NCOR1: variants seen among roughly 807,000 people sequenced by gnomAD.
NCOR1 encodes protein phosphatase 1, regulatory subunit 109.
Under a neutral mutation model 288.1 loss-of-function variants are expected in NCOR1, and 63 were observed. The ratio of observed to expected loss-of-function variants is 0.22; its 90% CI spans 0.18 to 0.27. The LOEUF is 0.27. NCOR1 is among the 10% of genes least tolerant of loss of function. The probability of loss-of-function intolerance (pLI) is 1.00; values close to 1 mark genes in which losing one functional copy is unlikely to be tolerated. For synonymous variants in NCOR1, 1,007 were observed against 1,065.9 expected, an observed-to-expected ratio of 0.94 and a Z score of 1.08; for missense variants, 2,397 against 3,019.2, an observed-to-expected ratio of 0.79 and a Z score of 4.83.
intron 3 of NCOR1, among the ~76,000 whole-genome samples, chr17:16,173,790 A>G (rs1465608809): frequency 6.6e-6 from 1 of 152,034 alleles, no homozygotes; most frequent in African/African-American, 2.4e-5. Flanking sequence ...AATTAGTCAG[A>G]CATGGTGGTG....
chr17:16,210,122 G>A (rs1353977872), intron 1 of NCOR1, among the ~76,000 whole-genome samples: 2 of 152,048 alleles, frequency 1.3e-5, no homozygotes, highest in African/African-American at 2.4e-5. Context: ...GGTGGCTCAC[G>A]CCTGTAATCC....
intron 40 of NCOR1, among the ~76,000 whole-genome samples, chr17:16,053,446 C>T (rs1197409421): frequency 6.6e-6 from 1 of 151,900 alleles, no homozygotes; most frequent in Non-Finnish European, 1.5e-5. Context: ...TCACAACTGC[C>T]ACAAAAATAA....
chr17:16,080,793 C>A, intron 23 of NCOR1, 66 bp from the exon 24 acceptor site: 1 of 1,444,686 alleles, frequency 6.9e-7, no homozygotes. Flanking sequence ...AGGTCAATTT[C>A]ACAAAGTCAG....
intron 42 of NCOR1, among the ~76,000 whole-genome samples, chr17:16,045,329 T>A (rs2058481021): frequency 6.6e-6 from 1 of 152,160 alleles, no homozygotes; most frequent in South Asian, 2.1e-4. Context: ...ATATGTAACC[T>A]GTGCCAACTC....
rs952950150 is a variant in NCOR1 at position 16,030,051 on chromosome 17, A to G, written c.*2245T>C. 2 of 175,312 alleles carry G rather than the reference A, an allele frequency of 1.1e-5. No homozygotes were observed. Among genetic ancestry groups the G allele is most frequent in the Non-Finnish European group, 2.5e-5 (2 of 81,418 alleles). The allele number at this position is 175,312 out of a possible 1,614,324, so 10.9% of individuals were successfully genotyped here. On this transcript the variant is annotated 3_prime_UTR_variant, in exon 46 of 46. Transcript: ENST00000268712. ...TGACTCCTCCAAAACTTAACTACTC[A>G]TGGCCTACTGCTGACCAGAAGTCTT... is the stretch of plus-strand genomic sequence containing the variant.
chr17:16,095,468 C>T (rs1212217573), intron 21 of NCOR1, among the ~76,000 whole-genome samples: 29 of 147,272 alleles, frequency 2.0e-4, no homozygotes, highest in African/African-American at 6.7e-4. Context: ...CCCGGCCAGC[C>T]GCCCCGTCCG....
intron 18 of NCOR1, among the ~76,000 whole-genome samples, chr17:16,115,680 C>A (rs1039637613): frequency 1.3e-5 from 2 of 152,202 alleles, no homozygotes; most frequent in Non-Finnish European, 2.9e-5. Context: ...CAATTCCCAA[C>A]AAGTTCCTCA....
chr17:16,060,720 A>T (rs2060462354), intron 37 of NCOR1, among the ~76,000 whole-genome samples: 1 of 152,212 alleles, frequency 6.6e-6, no homozygotes, highest in South Asian at 2.1e-4. Flanking sequence ...GAGATAACAG[A>T]AAGATGATTA....
rs555617591 is a variant in NCOR1 at position 16,146,969 on chromosome 17, A to G, written c.910-421T>C. 2.0e-5 allele frequency among the ~76,000 whole-genome samples: 3 copies of G among 152,306 alleles called. No homozygotes were observed. In the East Asian group the frequency reaches 5.8e-4, roughly 29 times the overall value. On this transcript the variant is annotated intron_variant, in intron 9 of 45. Transcript: ENST00000268712. ...TGAACATTTTGTTGTTATCCTTCCA[A>G]TCTGCGAAACAAAACACACACGCTT...
chr17:16,191,265 C>T (rs1017935138), intron 2 of NCOR1, among the ~76,000 whole-genome samples: 2 of 152,118 alleles, frequency 1.3e-5, no homozygotes, highest in Non-Finnish European at 2.9e-5. Flanking sequence ...ACTGAATACA[C>T]GGGACATTCA....
At chr17:16,170,181 T>TA (rs1411953608) in intron 4 of NCOR1, among the ~76,000 whole-genome samples, 3 of 151,216 alleles carry the variant, frequency 2.0e-5, no homozygotes, top group African/African-American at 7.3e-5. Context: ...AAATTGTAGA[T>TA]ACATTTACTA....
chr17:16,066,638 C>T (rs2061156651), intron 32 of NCOR1, among the ~76,000 whole-genome samples: 1 of 152,160 alleles, frequency 6.6e-6, no homozygotes, highest in Non-Finnish European at 1.5e-5. Context: ...ATATTTGCTT[C>T]CCCTTCATCT....
intron 22 of NCOR1, chr17:16,091,589 A>C: frequency 7.8e-7 from 1 of 1,275,912 alleles, no homozygotes; most frequent in Non-Finnish European, 1.0e-6. Flanking sequence ...CATAAAGCAT[A>C]ACTTTATTTA....
At chr17:16,148,219 C>T (rs1378488457) in intron 9 of NCOR1, among the ~76,000 whole-genome samples, 1 of 152,186 alleles carries the variant, frequency 6.6e-6, no homozygotes, top group South Asian at 2.1e-4. Context: ...TTTCTCACCA[C>T]ACTGCCAGCT....
At chr17:16,039,723 C>G in intron 43 of NCOR1, 69 bp from the exon 44 acceptor site, 1 of 1,363,790 alleles carries the variant, frequency 7.3e-7, no homozygotes, top group African/African-American at 1.4e-5. Flanking sequence ...ATGCATTGCC[C>G]CATCAGCCCA....
At chr17:16,049,905 T>A (rs562991687) in intron 40 of NCOR1, among the ~76,000 whole-genome samples, 2,794 of 152,124 alleles carry the variant, frequency 0.018, 85 homozygotes, top group African/African-American at 0.063. Context: ...AATTTTTATT[T>A]TTTAGAGACA....
intron 1 of NCOR1, among the ~76,000 whole-genome samples, chr17:16,207,376 T>TG (rs1290160745): frequency 6.6e-6 from 1 of 152,110 alleles, no homozygotes; most frequent in Non-Finnish European, 1.5e-5. Context: ...CAACAAAGTA[T>TG]GGGGTAAAGG....
rs35243097 is a variant in NCOR1 at position 16,159,413 on chromosome 17, CAA to C, written c.619-542_619-541del. ...GGGCAACAAGAGCAAAACTCTATCT[CAA>C]AAAAAAAAAAAAAAAAAAAAGATTT... On this transcript the variant is annotated intron_variant, in intron 5 of 45. Transcript: ENST00000268712. Among the ~76,000 whole-genome samples, 623 of 66,302 alleles carry C rather than the reference CAA, an allele frequency of 9.4e-3. 1 individual carries two copies. The highest frequency in any genetic ancestry group is 0.026 in the African/African-American group (437 of 16,754). 43.5% of individuals were successfully genotyped at this position (66,302 alleles called of 152,430 possible).
intron 5 of NCOR1, among the ~76,000 whole-genome samples, chr17:16,163,711 CACAAT>C (rs1265838756): frequency 1.3e-5 from 2 of 152,138 alleles, no homozygotes; most frequent in Non-Finnish European, 2.9e-5. Flanking sequence ...TGAATCTCAT[CACAAT>C]ACATCACTAA....
Sources: gnomAD v4.1 joint callset for allele counts (sites outside exome capture counted in the v4.1 genomes callset) on GRCh38, gnomAD v4.1.1 for gene constraint, MANE v1.5 for transcripts, NCBI Gene and HGNC (gene_info 2026-07-23, HGNC 2026-07-21) for gene names.